ALLC: variants seen among roughly 807,000 people sequenced by gnomAD.
The protein encoded by ALLC is allantoicase, also known as probable inactive allantoicase.
A neutral mutation model predicts 45.0 loss-of-function variants in ALLC; 40 were observed. The ratio of observed to expected loss-of-function variants is 0.89; its 90% CI spans 0.69 to 1.16. The LOEUF is 1.16. ALLC is among the 50% of genes most tolerant of loss of function. The pLI is 0.00. For synonymous variants in ALLC, 176 were observed against 178.1 expected (o/e 0.99, Z 0.09); for missense variants, 488 against 493.1 (o/e 0.99, Z 0.10).
At chr2:3,658,799 G>A (rs1284180394) in intron 1 of ALLC, among the ~76,000 whole-genome samples, 1 of 150,678 alleles carries the variant, frequency 6.6e-6, no homozygotes, top group Non-Finnish European at 1.5e-5. Context: ...GCCCGGGATG[G>A]GATTGGGGTG....
intron 7 of ALLC, among the ~76,000 whole-genome samples, chr2:3,683,790 A>C (rs1212002861): frequency 6.6e-6 from 1 of 152,236 alleles, no homozygotes; most frequent in Non-Finnish European, 1.5e-5. Context: ...CCAAAATTTG[A>C]AATGTTCCAA....
At chr2:3,677,402 C>T (rs1667050976) in intron 3 of ALLC, among the ~76,000 whole-genome samples, 1 of 152,222 alleles carries the variant, frequency 6.6e-6, no homozygotes, top group East Asian at 1.9e-4. Context: ...AATGGAAAGG[C>T]TGGAGTGTGT....
At chr2:3,690,248 C>A in intron 7 of ALLC, among the ~76,000 whole-genome samples, 1 of 42,922 alleles carries the variant, frequency 2.3e-5, no homozygotes, top group Non-Finnish European at 4.6e-5. Flanking sequence ...GATCCCCTCC[C>A]CTTCCCTTCC....
chr2:3,651,410 T>G, the ALLC span, among the ~76,000 whole-genome samples: 1 of 47,842 alleles, frequency 2.1e-5, no homozygotes. Flanking sequence ...TGTGTGTGTG[T>G]GTGTGTGTGT....
chr2:3,687,356 A>AT (rs1357357300), intron 7 of ALLC, among the ~76,000 whole-genome samples: 1 of 150,182 alleles, frequency 6.7e-6, no homozygotes, highest in Admixed American at 6.6e-5. Flanking sequence ...TTTGTTGAGG[A>AT]TTTTTGCATC....
the ALLC span, among the ~76,000 whole-genome samples, chr2:3,650,001 A>G: frequency 6.6e-6 from 1 of 152,258 alleles, no homozygotes; most frequent in Non-Finnish European, 1.5e-5. Context: ...ACGTTTTCCA[A>G]ATTTGTTCTG....
At position 3,678,566 on chromosome 2, in the gene ALLC, C is replaced by T. The variant is rs1291738128; in HGVS notation, c.172+11C>T. 26 of 1,611,410 alleles carry T rather than the reference C, an allele frequency of 1.6e-5. No individual in the cohort carries two copies. The highest frequency in any genetic ancestry group is 4.0e-5 in the African/African-American group (3 of 74,904). On this transcript the variant is annotated intron_variant, in intron 4 of 11. Coordinates refer to ENST00000252505, the MANE Select transcript of ALLC (RefSeq NM_018436.4). ...GGAAAAGGATTCCAGGTAATAACAA[C>T]GGTTCGTTCATCGAAGTGCAGCTGA...
Position 3,680,312 on chromosome 2 carries a change from T to C in ALLC, c.298+318T>C, listed in dbSNP as rs1419363363. 6.6e-6 allele frequency among the ~76,000 whole-genome samples: 1 copy of C among 152,068 alleles called. No individual in the cohort carries two copies. Among genetic ancestry groups the C allele is most frequent in the Non-Finnish European group, 1.5e-5 (1 of 68,022 alleles). On this transcript the variant is annotated intron_variant, in intron 5 of 11. Coordinates refer to ENST00000252505, the MANE Select transcript of ALLC (RefSeq NM_018436.4). This position sits in a 1 kb window ranked among gnomAD's most constrained non-coding sequence, Gnocchi z 4.0. ...TGCTGGTGGGCGGGAGGGAGTGGTT[T>C]GTGCCTCAGATGACCCGGGTGATGT...
chr2:3,694,561 C>T (rs1347987900), intron 7 of ALLC: 3 of 152,232 alleles, frequency 2.0e-5, no homozygotes, highest in Non-Finnish European at 4.4e-5. Context: ...TCACTTTCAA[C>T]AGACGAATAT....
intron 1 of ALLC, among the ~76,000 whole-genome samples, chr2:3,659,225 GT>G (rs931262162): frequency 4.6e-5 from 7 of 152,082 alleles, no homozygotes; most frequent in African/African-American, 1.7e-4. Flanking sequence ...TCAGAGGGAG[GT>G]CTCTCTTTCT....
At chr2:3,698,778 ATACTTT>A (rs71798610) in intron 10 of ALLC, among the ~76,000 whole-genome samples, 6,862 of 152,026 alleles carry the variant, frequency 0.045, 192 homozygotes, top group East Asian at 0.11. Context: ...TTATTTAATT[ATACTTT>A]AAGTTTTAGG....
intron 1 of ALLC, among the ~76,000 whole-genome samples, chr2:3,661,675 C>T (rs1432726886): frequency 7.2e-5 from 11 of 152,192 alleles, no homozygotes; most frequent in Admixed American, 4.6e-4. Flanking sequence ...AGCACCTCTC[C>T]GACGATGCTT....
At chr2:3,664,013 C>A (rs186930166) in intron 1 of ALLC, among the ~76,000 whole-genome samples, 1 of 152,200 alleles carries the variant, frequency 6.6e-6, no homozygotes, top group South Asian at 2.1e-4. Context: ...GTGGTTCCCA[C>A]GTCAGTGCAA....
At chr2:3,669,367 G>A (rs957968725) in intron 1 of ALLC, among the ~76,000 whole-genome samples, 3 of 152,180 alleles carry the variant, frequency 2.0e-5, no homozygotes, top group South Asian at 2.1e-4. Context: ...TCAGCTACTC[G>A]GGAGTCTGAG....
chr2:3,646,825 G>A, the ALLC span, among the ~76,000 whole-genome samples: 2 of 152,182 alleles, frequency 1.3e-5, no homozygotes, highest in African/African-American at 4.8e-5. Context: ...TTCTGACTCT[G>A]TCAGACCCAT....
At chr2:3,651,300 G>T in the ALLC span, among the ~76,000 whole-genome samples, 1 of 80,342 alleles carries the variant, frequency 1.2e-5, no homozygotes. Flanking sequence ...TTCTTTTTGG[G>T]TGGGTGGGTG....
chr2:3,647,125 G>C, the ALLC span, among the ~76,000 whole-genome samples: 1 of 152,102 alleles, frequency 6.6e-6, no homozygotes, highest in African/African-American at 2.4e-5. Flanking sequence ...TTGAAATATA[G>C]GGCCCCAGAC....
chr2:3,650,360 G>A, the ALLC span, among the ~76,000 whole-genome samples: 4 of 152,208 alleles, frequency 2.6e-5, no homozygotes, highest in African/African-American at 4.8e-5. Context: ...GTCTGTGGCC[G>A]GCCACCGGGC....
At chr2:3,662,577 C>T (rs1248743760) in intron 1 of ALLC, among the ~76,000 whole-genome samples, 4 of 152,112 alleles carry the variant, frequency 2.6e-5, no homozygotes, top group Non-Finnish European at 5.9e-5. Context: ...CATGAAGAAC[C>T]CCTGATATTC....
Sources: gnomAD v4.1 joint callset for allele counts (sites outside exome capture counted in the v4.1 genomes callset) on GRCh38, gnomAD v4.1.1 for gene constraint, Gnocchi (gnomAD v3.1) non-coding constraint, MANE v1.5 for transcripts, NCBI Gene and HGNC (gene_info 2026-07-23, HGNC 2026-07-21) for gene names.